The following GALNT13 variants were observed in gnomAD, a reference collection of about 807,000 sequenced individuals.
The protein encoded by GALNT13 is UDP-GalNAc:polypeptide N-acetylgalactosaminyltransferase 13.
A neutral mutation model predicts 64.2 loss-of-function variants in GALNT13; 28 were observed. The observed-to-expected ratio is 0.44, with a 90% confidence interval of 0.32 to 0.60. The LOEUF (loss-of-function observed/expected upper bound fraction) is 0.60. GALNT13 is among the 20% of genes least tolerant of loss of function. The pLI, the probability that GALNT13 is intolerant of heterozygous loss-of-function variation, is 0.05. For synonymous variants in GALNT13, 214 were observed against 224.6 expected, an observed-to-expected ratio of 0.95 and a Z score of 0.42; for missense variants, 577 against 669.8, an observed-to-expected ratio of 0.86 and a Z score of 1.53.
At chr2:153,522,605 C>G in the GALNT13 span, among the ~76,000 whole-genome samples, 1 of 152,144 alleles carries the variant, frequency 6.6e-6, no homozygotes, top group Admixed American at 6.5e-5. Context: ...TTGCATTTCC[C>G]TGAAGACATA....
chr2:153,807,248 T>TAC, the GALNT13 span, among the ~76,000 whole-genome samples: 2 of 151,904 alleles, frequency 1.3e-5, no homozygotes, highest in African/African-American at 4.8e-5. Context: ...TAGACATATA[T>TAC]ATATATACAT....
At chr2:153,884,785 A>ATATATATATATGTG (rs1450308010) in intron 1 of GALNT13, among the ~76,000 whole-genome samples, 4 of 122,504 alleles carry the variant, frequency 3.3e-5, no homozygotes, top group African/African-American at 1.4e-4. Context: ...ATATATATAT[A>ATATATATATATGTG]TGTGTGTGTA....
At chr2:153,715,783 T>C in the GALNT13 span, among the ~76,000 whole-genome samples, 1 of 152,034 alleles carries the variant, frequency 6.6e-6, no homozygotes, top group Non-Finnish European at 1.5e-5. Context: ...TCAGTTCACT[T>C]TTCTTTTAGG....
At chr2:154,119,148 G>T (rs1681781217) in intron 3 of GALNT13, among the ~76,000 whole-genome samples, 1 of 151,992 alleles carries the variant, frequency 6.6e-6, no homozygotes, top group South Asian at 2.1e-4. Context: ...GCTTTTGTTT[G>T]TCTACAAAAG....
the GALNT13 span, among the ~76,000 whole-genome samples, chr2:153,305,645 C>A: frequency 6.6e-6 from 1 of 152,082 alleles, no homozygotes; most frequent in Non-Finnish European, 1.5e-5. Flanking sequence ...GGAGCACTTT[C>A]CAAAATGCCA....
intron 3 of GALNT13, among the ~76,000 whole-genome samples, chr2:153,980,719 T>C (rs1333182922): frequency 6.6e-6 from 1 of 152,130 alleles, no homozygotes; most frequent in East Asian, 1.9e-4. Context: ...GACAGATGAA[T>C]GGAAAAACTT....
At chr2:153,144,685 C>T in the GALNT13 span, among the ~76,000 whole-genome samples, 3 of 151,844 alleles carry the variant, frequency 2.0e-5, no homozygotes, top group Non-Finnish European at 4.4e-5. Flanking sequence ...ACAATCCTCT[C>T]CTACAAAGCC....
chr2:154,196,020 C>T (rs534887014), intron 4 of GALNT13, among the ~76,000 whole-genome samples: 1 of 152,268 alleles, frequency 6.6e-6, no homozygotes, highest in South Asian at 2.1e-4. Context: ...CAGGCCTGGG[C>T]CTGTGAGTCA....
intron 9 of GALNT13, among the ~76,000 whole-genome samples, chr2:154,307,274 C>G (rs996088724): frequency 6.6e-6 from 1 of 152,086 alleles, no homozygotes; most frequent in African/African-American, 2.4e-5. Flanking sequence ...AAAAGTCTAA[C>G]AGGCACAATA....
At chr2:153,387,417 C>T in the GALNT13 span, among the ~76,000 whole-genome samples, 1 of 152,062 alleles carries the variant, frequency 6.6e-6, no homozygotes, top group Non-Finnish European at 1.5e-5. Flanking sequence ...CTCCACTCCC[C>T]CACTCAGGGT....
At chr2:153,873,761 CT>C in intron 1 of GALNT13, among the ~76,000 whole-genome samples, 1 of 152,212 alleles carries the variant, frequency 6.6e-6, no homozygotes, top group Admixed American at 6.5e-5. Context: ...TTCTGGTATC[CT>C]TGAATATTTT....
chr2:154,121,775 A>G (rs766816046), intron 3 of GALNT13, among the ~76,000 whole-genome samples: 13 of 151,802 alleles, frequency 8.6e-5, no homozygotes, highest in Non-Finnish European at 7.4e-5. Flanking sequence ...GATTTTCTTC[A>G]TAGACAATAT....
the GALNT13 span, among the ~76,000 whole-genome samples, chr2:153,364,540 C>T: frequency 6.6e-6 from 1 of 152,186 alleles, no homozygotes; most frequent in Non-Finnish European, 1.5e-5. Flanking sequence ...AGCAAAGTCT[C>T]AGGATACAAA....
chr2:153,390,005 T>C, the GALNT13 span, among the ~76,000 whole-genome samples: 1 of 152,126 alleles, frequency 6.6e-6, no homozygotes, highest in Non-Finnish European at 1.5e-5. Context: ...TAAAGACACA[T>C]GCACACGTAT....
the GALNT13 span, among the ~76,000 whole-genome samples, chr2:153,307,499 A>C: frequency 6.6e-6 from 1 of 152,164 alleles, no homozygotes; most frequent in South Asian, 2.1e-4. Context: ...GAATATTTAA[A>C]AATATTATAA....
chr2:153,223,416 A>G, the GALNT13 span, among the ~76,000 whole-genome samples: 2 of 152,326 alleles, frequency 1.3e-5, no homozygotes, highest in South Asian at 4.1e-4. Flanking sequence ...AAGACACAAT[A>G]AATTCTGTGC....
chr2:153,135,243 C>T, the GALNT13 span, among the ~76,000 whole-genome samples: 1 of 152,128 alleles, frequency 6.6e-6, no homozygotes, highest in African/African-American at 2.4e-5. Context: ...TAGGGCTCTA[C>T]CCTTATGACC....
the GALNT13 span, among the ~76,000 whole-genome samples, chr2:153,162,997 G>A: frequency 1.3e-5 from 2 of 152,146 alleles, no homozygotes; most frequent in African/African-American, 2.4e-5. Context: ...GGACAGTGAG[G>A]CCAGAAGAAG....
the GALNT13 span, among the ~76,000 whole-genome samples, chr2:153,630,408 A>G: frequency 6.2e-3 from 934 of 150,220 alleles, 10 homozygotes; most frequent in Non-Finnish European, 9.3e-3. Context: ...ACAAAAAAAC[A>G]AACACCGCAT....
Sources: allele counts gnomAD v4.1 joint callset (sites outside exome capture counted in the v4.1 genomes callset), GRCh38; gene constraint gnomAD v4.1.1; transcripts MANE v1.5; gene names NCBI Gene and HGNC (gene_info 2026-07-23, HGNC 2026-07-21).